The following ZFAND1 variants were observed in gnomAD, a reference collection of about 807,000 sequenced individuals.
ZFAND1 encodes the protein AN1-type zinc finger protein 1.
Under a neutral mutation model 38.5 loss-of-function variants are expected in ZFAND1, and 40 were observed. The observed-to-expected ratio is 1.04, with a 90% CI of 0.81 to 1.35. The LOEUF (loss-of-function observed/expected upper bound fraction) is 1.35, where lower values mean the gene tolerates loss of function less well. ZFAND1 is among the 40% of genes most tolerant of loss of function. The probability of loss-of-function intolerance (pLI) is 0.00; values close to 1 mark genes in which losing one functional copy is unlikely to be tolerated. For missense variants in ZFAND1, 346 were observed against 316.3 expected (o/e 1.09, Z -0.71); for synonymous variants, 117 against 103.6 (o/e 1.13, Z -0.78).
intron 6 of ZFAND1, among the ~76,000 whole-genome samples, chr8:81,705,435 A>G (rs1807948544): frequency 1.3e-5 from 2 of 152,234 alleles, no homozygotes; most frequent in Admixed American, 1.3e-4. Flanking sequence ...ATAAAACCAA[A>G]ATAGGCACAA....
chr8:81,713,903 A>G lies in ZFAND1; in HGVS notation c.480+15T>C. 1.2e-6 allele frequency: 2 copies of G among 1,611,574 alleles called. No individual in the cohort carries two copies. The highest frequency in any genetic ancestry group is 1.7e-6 in the Non-Finnish European group (2 of 1,179,352). On this transcript the variant is annotated intron_variant, in intron 6 of 7. Coordinates refer to ENST00000220669, the MANE Select transcript of ZFAND1 (RefSeq NM_024699.3). ...ATTTGAAATTTTTGTGTTTTAAAAA[A>G]TCTCTAAGACCAACCTGTGGTAATG...
chr8:81,719,735 T>C (rs371249993), intron 1 of ZFAND1, among the ~76,000 whole-genome samples: 3 of 152,292 alleles, frequency 2.0e-5, no homozygotes, highest in Non-Finnish European at 1.5e-5. Context: ...CTTAACTGCT[T>C]TCCACTAGTC....
chr8:81,715,183 G>T (rs999269851), intron 3 of ZFAND1, 69 bp from the exon 4 acceptor site: 2 of 1,539,424 alleles, frequency 1.3e-6, no homozygotes, highest in South Asian at 1.2e-5. Flanking sequence ...TCTTATTCTA[G>T]AAGGCAGTAT....
At position 81,713,917 on chromosome 8, in the gene ZFAND1, C is replaced by G; in HGVS notation, c.480+1G>C. 5 of 1,612,942 alleles carry G rather than the reference C, an allele frequency of 3.1e-6. No individual in the cohort carries two copies. The highest frequency in any genetic ancestry group is 3.4e-6 in the Non-Finnish European group (4 of 1,179,676). ...TGTTTTAAAAAATCTCTAAGACCAA[C>G]CTGTGGTAATGACTTATCGCCATCA... is the stretch of plus-strand genomic sequence containing the variant. On this transcript the variant is annotated splice_donor_variant, in intron 6 of 7. Coordinates refer to ENST00000220669, the MANE Select transcript of ZFAND1 (RefSeq NM_024699.3). LOFTEE classifies it high-confidence loss of function.
At chr8:81,720,585 G>A (rs938054407) in intron 1 of ZFAND1, among the ~76,000 whole-genome samples, 1 of 152,174 alleles carries the variant, frequency 6.6e-6, no homozygotes, top group African/African-American at 2.4e-5. Flanking sequence ...CCTTCTTCCG[G>A]ACACACATCC....
chr8:81,714,748 A>G, intron 5 of ZFAND1, 56 bp downstream of exon 5: 2 of 1,489,412 alleles, frequency 1.3e-6, no homozygotes, highest in Non-Finnish European at 1.9e-6. Context: ...AGTAGATATA[A>G]GAAGCAGGAG....
intron 6 of ZFAND1, among the ~76,000 whole-genome samples, chr8:81,707,731 AT>A (rs1326354430): frequency 6.6e-6 from 1 of 152,234 alleles, no homozygotes; most frequent in African/African-American, 2.4e-5. Flanking sequence ...TGAGTAAAAA[AT>A]AAATGAGTAG....
intron 1 of ZFAND1, among the ~76,000 whole-genome samples, chr8:81,719,180 T>C (rs939584184): frequency 1.3e-5 from 2 of 151,996 alleles, no homozygotes; most frequent in Non-Finnish European, 2.9e-5. Flanking sequence ...AGAACAGTAC[T>C]GCAAGGGGCC....
At chr8:81,711,694 A>T (rs58163885) in intron 6 of ZFAND1, among the ~76,000 whole-genome samples, 8,876 of 152,306 alleles carry the variant, frequency 0.058, 366 homozygotes, top group African/African-American at 0.11. Context: ...CTAAAGACAC[A>T]TAAAGATTCT....
At position 81,714,879 on chromosome 8, in the gene ZFAND1, C is replaced by G; in HGVS notation, c.283G>C (p.Asp95His). The G allele has an allele frequency of 6.2e-7, 1 of 1,614,082 alleles. No homozygotes were observed. Among genetic ancestry groups the G allele is most frequent in the Non-Finnish European group, 8.5e-7 (1 of 1,179,946 alleles). Residue 95 changes from aspartate to histidine, a missense_variant, in exon 5 of 8, where the codon GAT becomes CAT. Transcript: ENST00000220669. ...ATTTCCAGTTTTTCACACTCATGAT[C>G]TGACTGATGACGGTGTCTATGAGCA... Reference protein sequence around the residue: ...NFCLRHRHQSDHECEKLEIPK... With the variant: ...NFCLRHRHQSHHECEKLEIPK...
chr8:81,705,867 G>A (rs1332908156), intron 6 of ZFAND1, among the ~76,000 whole-genome samples: 3 of 152,192 alleles, frequency 2.0e-5, no homozygotes, highest in African/African-American at 7.2e-5. Context: ...GTAGTGAGCC[G>A]AGACTGTGCC....
rs1443514891 is a variant in ZFAND1, at chr8:81,713,910, A to C, written c.480+8T>G. The C allele has an allele frequency of 1.2e-6, 2 of 1,612,710 alleles. No homozygotes were observed. Among genetic ancestry groups the C allele is most frequent in the Non-Finnish European group, 1.7e-6 (2 of 1,179,600 alleles). On this transcript the variant is annotated splice_region_variant and intron_variant, in intron 6 of 7. Transcript: ENST00000220669. ...ATTTTTGTGTTTTAAAAAATCTCTA[A>C]GACCAACCTGTGGTAATGACTTATC...
At chr8:81,704,089 A>C (rs1431077185) in intron 6 of ZFAND1, among the ~76,000 whole-genome samples, 1 of 128,782 alleles carries the variant, frequency 7.8e-6, no homozygotes, top group Non-Finnish European at 1.6e-5. Flanking sequence ...ACTTTTCGGA[A>C]CAAGGAAACA....
intron 3 of ZFAND1, 83 bp from the exon 4 acceptor site, chr8:81,715,197 T>A: frequency 6.7e-7 from 1 of 1,482,952 alleles, no homozygotes; most frequent in Non-Finnish European, 9.1e-7. Context: ...GCAGTATTCA[T>A]TTTATTTTTG....
chr8:81,712,087 G>A (rs1332993930), intron 6 of ZFAND1, among the ~76,000 whole-genome samples: 1 of 152,020 alleles, frequency 6.6e-6, no homozygotes, highest in African/African-American at 2.4e-5. Flanking sequence ...AATATTTGAT[G>A]ATCTAACGAC....
chr8:81,714,927 T>C lies in ZFAND1; in HGVS notation c.267-32A>G, dbSNP rs775555574. On this transcript the variant is annotated intron_variant, in intron 4 of 7. Transcript: ENST00000220669. ...GCAACAGAAGAGTGACACTAGTTCA[T>C]GTGTTTGTATAGCACTTAAACAGAT... 2.5e-6 allele frequency: 4 copies of C among 1,613,900 alleles called. No individual in the cohort carries two copies. The African/African-American group carries it at 4.0e-5, about 16-fold the overall frequency.
At chr8:81,711,094 T>C (rs1051834376) in intron 6 of ZFAND1, among the ~76,000 whole-genome samples, 2 of 152,202 alleles carry the variant, frequency 1.3e-5, no homozygotes, top group African/African-American at 4.8e-5. Flanking sequence ...AATAAGTATA[T>C]TGTTATACCT....
intron 5 of ZFAND1, 47 bp from the exon 6 acceptor site, chr8:81,714,086 T>C (rs889862934): frequency 2.0e-6 from 3 of 1,504,328 alleles, no homozygotes; most frequent in South Asian, 2.6e-5. Flanking sequence ...ACATTACAAA[T>C]AGAATTTTAT....
At chr8:81,709,378 G>A (rs1808070170) in intron 6 of ZFAND1, among the ~76,000 whole-genome samples, 1 of 152,104 alleles carries the variant, frequency 6.6e-6, no homozygotes, top group African/African-American at 2.4e-5. Context: ...GTTCATAAGG[G>A]CAGAAGGGAT....
Sources: allele counts gnomAD v4.1 joint callset (sites outside exome capture counted in the v4.1 genomes callset), GRCh38; gene constraint gnomAD v4.1.1; transcripts MANE v1.5; gene names NCBI Gene and HGNC (gene_info 2026-07-23, HGNC 2026-07-21).